The following SPATA17 variants were observed in gnomAD, a reference collection of about 807,000 sequenced individuals.
SPATA17 encodes the protein spermatogenesis associated 17.
In SPATA17, 53 loss-of-function variants were observed where a neutral mutation model predicts 62.2. The ratio of observed to expected loss-of-function variants is 0.85; its 90% CI spans 0.68 to 1.07. SPATA17 has a LOEUF of 1.07. SPATA17 is among the 50% of genes least tolerant of loss of function. SPATA17 has a pLI of 0.00. For synonymous variants in SPATA17, 146 were observed against 146.8 expected (o/e 0.99, Z 0.04); for missense variants, 466 against 425.5 (o/e 1.10, Z -0.84).
At chr1:217,721,058 T>A (rs1320343421) in intron 5 of SPATA17, among the ~76,000 whole-genome samples, 2 of 152,240 alleles carry the variant, frequency 1.3e-5, no homozygotes, top group African/African-American at 4.8e-5. Flanking sequence ...TATTTATAGA[T>A]AAGGCATCAC....
chr1:217,634,671 G>A (rs1324067348), intron 1 of SPATA17, among the ~76,000 whole-genome samples: 2 of 152,186 alleles, frequency 1.3e-5, no homozygotes, highest in Non-Finnish European at 2.9e-5. Flanking sequence ...AGGCAGTCTA[G>A]TCCCCAGGCA....
chr1:217,727,281 A>G (rs1476153039), intron 5 of SPATA17, among the ~76,000 whole-genome samples: 1 of 149,390 alleles, frequency 6.7e-6, no homozygotes, highest in Admixed American at 6.7e-5. Context: ...TAATAATAAT[A>G]ATAATAACAA....
At chr1:217,842,944 A>G (rs1571839203) in intron 9 of SPATA17, among the ~76,000 whole-genome samples, 1 of 149,868 alleles carries the variant, frequency 6.7e-6, no homozygotes, top group Non-Finnish European at 1.5e-5. Context: ...ATACATTTCA[A>G]AATGTTTTCT....
At chr1:217,748,160 A>G (rs1027352778) in intron 6 of SPATA17, among the ~76,000 whole-genome samples, 9 of 151,910 alleles carry the variant, frequency 5.9e-5, no homozygotes, top group Non-Finnish European at 8.8e-5. Context: ...AAAATTAGCC[A>G]GGCATGGTGG....
chr1:217,739,884 TATTAA>T (rs982602324), intron 5 of SPATA17, among the ~76,000 whole-genome samples: 4 of 152,130 alleles, frequency 2.6e-5, no homozygotes, highest in African/African-American at 9.6e-5. Context: ...TGGATGAATT[TATTAA>T]ATTAACTACT....
intron 9 of SPATA17, among the ~76,000 whole-genome samples, chr1:217,830,978 T>C (rs1472279410): frequency 6.6e-6 from 1 of 152,144 alleles, no homozygotes; most frequent in Non-Finnish European, 1.5e-5. Context: ...TTTGCACTAT[T>C]GGTTTTAAGG....
At chr1:217,797,340 C>T (rs183408225) in intron 8 of SPATA17, among the ~76,000 whole-genome samples, 10 of 148,462 alleles carry the variant, frequency 6.7e-5, no homozygotes, top group Non-Finnish European at 1.5e-4. Context: ...GCCTCCACCT[C>T]CCGGGTTCAG....
intron 6 of SPATA17, among the ~76,000 whole-genome samples, chr1:217,751,598 T>TA (rs1257622614): frequency 4.6e-5 from 7 of 152,240 alleles, no homozygotes; most frequent in Non-Finnish European, 1.0e-4. Context: ...TTGTAGTTTT[T>TA]ATTATCCTGT....
chr1:217,688,014 T>C (rs1012397104), intron 5 of SPATA17, among the ~76,000 whole-genome samples: 12 of 152,206 alleles, frequency 7.9e-5, no homozygotes, highest in Middle Eastern at 3.2e-3. Flanking sequence ...ATTAGAATCA[T>C]GGCCCTTCTG....
At chr1:217,652,316 C>T (rs886613101) in intron 3 of SPATA17, among the ~76,000 whole-genome samples, 19 of 152,320 alleles carry the variant, frequency 1.2e-4, no homozygotes, top group African/African-American at 4.6e-4. Flanking sequence ...ACCGCAACCT[C>T]TGCCTCCTGG....
intron 8 of SPATA17, among the ~76,000 whole-genome samples, chr1:217,790,481 C>T (rs534999313): frequency 8.9e-4 from 136 of 152,164 alleles, no homozygotes; most frequent in Non-Finnish European, 1.3e-3. Context: ...TGCTCTGTTG[C>T]CCAGGCTGGA....
intron 9 of SPATA17, among the ~76,000 whole-genome samples, chr1:217,853,458 G>A (rs1472728095): frequency 3.3e-5 from 5 of 151,982 alleles, no homozygotes; most frequent in African/African-American, 1.2e-4. Context: ...TTCATTTAGT[G>A]GCTTGTTCAA....
intron 5 of SPATA17, among the ~76,000 whole-genome samples, chr1:217,712,892 A>G (rs1318653460): frequency 6.6e-6 from 1 of 152,126 alleles, no homozygotes; most frequent in Non-Finnish European, 1.5e-5. Flanking sequence ...TAAGGGCAAG[A>G]AATAGCATGA....
At chr1:217,635,105 T>A (rs1669907427) in intron 1 of SPATA17, among the ~76,000 whole-genome samples, 1 of 152,220 alleles carries the variant, frequency 6.6e-6, no homozygotes, top group Non-Finnish European at 1.5e-5. Context: ...TTATTTAAAT[T>A]TCATCAAATC....
At chr1:217,782,393 C>T (rs1171513193) in intron 8 of SPATA17, 71 bp downstream of exon 8, 1 of 1,425,540 alleles carries the variant, frequency 7.0e-7, no homozygotes, top group Non-Finnish European at 9.3e-7. Context: ...TTTTTATTTT[C>T]TAATACTGTA....
chr1:217,782,138 T>G, intron 7 of SPATA17, 36 bp from the exon 8 acceptor site: 1 of 1,529,000 alleles, frequency 6.5e-7, no homozygotes. Flanking sequence ...AAAAAAATCT[T>G]CCATATAAAA....
chr1:217,704,230 C>CATTTTTTT (rs1671677592), intron 5 of SPATA17, among the ~76,000 whole-genome samples: 1 of 41,692 alleles, frequency 2.4e-5, no homozygotes, highest in Non-Finnish European at 4.6e-5. Flanking sequence ...TTCCCTCTAC[C>CATTTTTTT]TTTTTTTTTT....
At chr1:217,846,405 CAT>C (rs1571840884) in intron 9 of SPATA17, among the ~76,000 whole-genome samples, 1 of 152,032 alleles carries the variant, frequency 6.6e-6, no homozygotes, top group Non-Finnish European at 1.5e-5. Flanking sequence ...ACAATTCTTA[CAT>C]GTCTTTTCCT....
At chr1:217,654,354 G>T (rs1198146509) in intron 3 of SPATA17, among the ~76,000 whole-genome samples, 1 of 151,884 alleles carries the variant, frequency 6.6e-6, no homozygotes, top group African/African-American at 2.4e-5. Context: ...TGGCCAGGCT[G>T]GTCTCCAACT....
Sources: gnomAD v4.1 joint callset for allele counts (sites outside exome capture counted in the v4.1 genomes callset) on GRCh38, gnomAD v4.1.1 for gene constraint, MANE v1.5 for transcripts, NCBI Gene and HGNC (gene_info 2026-07-23, HGNC 2026-07-21) for gene names.